Variants in CDIN1 observed in about 807,000 individuals in gnomAD.
CDIN1 encodes CDAN1-interacting nuclease 1.
In CDIN1, 33 loss-of-function variants were observed where a neutral mutation model predicts 45.3. The observed-to-expected ratio is 0.73, with a 90% CI of 0.55 to 0.97. CDIN1 has a LOEUF of 0.97. Ranked by LOEUF, CDIN1 falls within the 50% of genes least tolerant of loss-of-function variation. The probability of loss-of-function intolerance (pLI) is 0.00; values close to 1 mark genes in which losing one functional copy is unlikely to be tolerated. For missense variants in CDIN1, 303 were observed against 339.4 expected (o/e 0.89, Z 0.84); for synonymous variants, 118 against 124.4 (o/e 0.95, Z 0.34).
intron 7 of CDIN1, among the ~76,000 whole-genome samples, chr15:36,696,211 A>G (rs893576000): frequency 6.6e-6 from 1 of 152,238 alleles, no homozygotes; most frequent in Non-Finnish European, 1.5e-5. Context: ...ATATATTCAT[A>G]TGTATATCTA....
At chr15:36,682,926 C>T (rs1049865438) in intron 5 of CDIN1, among the ~76,000 whole-genome samples, 1 of 151,984 alleles carries the variant, frequency 6.6e-6, no homozygotes, top group Non-Finnish European at 1.5e-5. Flanking sequence ...ATAACAGACA[C>T]AATAACATGG....
chr15:36,610,436 T>C (rs960852675), intron 1 of CDIN1, among the ~76,000 whole-genome samples: 20 of 152,364 alleles, frequency 1.3e-4, no homozygotes, highest in Admixed American at 1.0e-3. Context: ...TTGTGTAGTA[T>C]ATCATCTTCT....
intron 10 of CDIN1, among the ~76,000 whole-genome samples, chr15:36,757,534 G>C (rs1901726): frequency 6.6e-6 from 1 of 152,080 alleles, no homozygotes; most frequent in East Asian, 1.9e-4. Flanking sequence ...TCCAGAAATA[G>C]ACCACTGATA....
At chr15:36,637,168 C>T (rs723831) in intron 1 of CDIN1, among the ~76,000 whole-genome samples, 33,244 of 152,086 alleles carry the variant, frequency 0.22, 4,065 homozygotes, top group Admixed American at 0.34. Flanking sequence ...GAGGCACCAA[C>T]GTGTGTGATC....
chr15:36,654,105 A>G lies in CDIN1; in HGVS notation c.220A>G (p.Asn74Asp), dbSNP rs2040683721. Residue 74 changes from asparagine to aspartate, a missense_variant, in exon 4 of 11, where the codon AAT becomes GAT. By Grantham distance (23) the Asn-to-Asp change is conservative. Transcript: ENST00000566621. ...TGGCTTTGTCTTGTCTAGGTACCTG[A>G]ATGGAGTGGTGAAAAATGGAGCTGC... ...AIESYYQRYL[N>D]GVVKNGAAPV... 4 of 1,578,056 alleles carry G rather than the reference A, an allele frequency of 2.5e-6. No homozygotes were observed. Among genetic ancestry groups the G allele is most frequent in the Non-Finnish European group, 3.4e-6 (4 of 1,159,616 alleles).
intron 10 of CDIN1, among the ~76,000 whole-genome samples, chr15:36,748,992 GCA>G (rs2053383955): frequency 6.6e-6 from 1 of 152,094 alleles, no homozygotes; most frequent in East Asian, 1.9e-4. Flanking sequence ...GTAGGCCATC[GCA>G]CAGAGACGGC....
chr15:36,804,388 C>G (rs1215305596), intron 10 of CDIN1, among the ~76,000 whole-genome samples: 1 of 152,124 alleles, frequency 6.6e-6, no homozygotes, highest in Admixed American at 6.6e-5. Flanking sequence ...CGCACTGATT[C>G]AATAACCAAT....
chr15:36,602,307 G>A (rs1269673543), intron 1 of CDIN1, among the ~76,000 whole-genome samples: 3 of 152,210 alleles, frequency 2.0e-5, no homozygotes, highest in Non-Finnish European at 4.4e-5. Flanking sequence ...ATGGCTCACA[G>A]TTTTAAAAGT....
At chr15:36,699,404 A>G (rs1002821151) in intron 8 of CDIN1, among the ~76,000 whole-genome samples, 1 of 152,156 alleles carries the variant, frequency 6.6e-6, no homozygotes, top group African/African-American at 2.4e-5. Context: ...AATATTGGTA[A>G]ATAAACAGAC....
intron 10 of CDIN1, among the ~76,000 whole-genome samples, chr15:36,715,577 G>GAA (rs10671722): frequency 0.033 from 5,009 of 152,246 alleles, 290 homozygotes; most frequent in African/African-American, 0.11. Context: ...CTTAGCAATA[G>GAA]AAGCTCTTGC....
intron 1 of CDIN1, among the ~76,000 whole-genome samples, chr15:36,637,753 T>C (rs2039958694): frequency 6.6e-6 from 1 of 152,226 alleles, no homozygotes; most frequent in African/African-American, 2.4e-5. Context: ...TGAAAATGAA[T>C]TAACTACACT....
At chr15:36,692,027 G>GGGT in intron 6 of CDIN1, 99 bp from the exon 7 acceptor site, 1 of 1,152,688 alleles carries the variant, frequency 8.7e-7, no homozygotes, top group South Asian at 1.6e-5. Flanking sequence ...GGGGGGCGGG[G>GGGT]GTGGGGGAAG....
In CDIN1 at chr15:36,779,053, C is replaced by T. The variant is rs2054287747; in HGVS notation, c.717-29271C>T. ...ATATATTCATTTACACAAAGCCAGT[C>T]TTGATGGACTACAAAATACACCATA... On this transcript the variant is annotated intron_variant, in intron 10 of 10. Transcript: ENST00000566621. Among the ~76,000 whole-genome samples the T allele has an allele frequency of 2.0e-5, 3 of 152,216 alleles. No homozygotes were observed. The South Asian group carries it at 6.2e-4, about 32-fold the overall frequency.
At chr15:36,757,385 G>A (rs536625071) in intron 10 of CDIN1, among the ~76,000 whole-genome samples, 8 of 152,264 alleles carry the variant, frequency 5.3e-5, no homozygotes, top group African/African-American at 1.7e-4. Flanking sequence ...AGCCACTTGG[G>A]TCGAGACCTC....
At chr15:36,762,217 T>G (rs538627784) in intron 10 of CDIN1, among the ~76,000 whole-genome samples, 2 of 152,344 alleles carry the variant, frequency 1.3e-5, no homozygotes, top group East Asian at 3.9e-4. Context: ...TTTTTCCCTC[T>G]GTTTCTAACC....
chr15:36,679,707 C>T (rs2041784328), intron 5 of CDIN1, among the ~76,000 whole-genome samples: 1 of 152,142 alleles, frequency 6.6e-6, no homozygotes, highest in Non-Finnish European at 1.5e-5. Context: ...TAAACTTATG[C>T]ATCATTATCT....
intron 5 of CDIN1, among the ~76,000 whole-genome samples, chr15:36,660,990 T>C (rs2040989694): frequency 6.6e-6 from 1 of 152,138 alleles, no homozygotes; most frequent in Non-Finnish European, 1.5e-5. Context: ...GTGAGGCTGT[T>C]CTGGGAGAGA....
intron 3 of CDIN1, chr15:36,648,881 G>A (rs1391850291): frequency 2.0e-5 from 3 of 152,094 alleles, no homozygotes; most frequent in Non-Finnish European, 4.4e-5. Context: ...CCAAACTACT[G>A]TCTAGAAATG....
At chr15:36,612,264 G>C (rs182783144) in intron 1 of CDIN1, among the ~76,000 whole-genome samples, 7 of 152,208 alleles carry the variant, frequency 4.6e-5, no homozygotes, top group Admixed American at 3.9e-4. Flanking sequence ...TCCTTTCTCA[G>C]TCTTGCTGTC....
Sources: gnomAD v4.1 joint callset for allele counts (sites outside exome capture counted in the v4.1 genomes callset) on GRCh38, gnomAD v4.1.1 for gene constraint, MANE v1.5 for transcripts, NCBI Gene and HGNC (gene_info 2026-07-23, HGNC 2026-07-21) for gene names.